HMBOX1: variants seen among roughly 807,000 people sequenced by gnomAD.
HMBOX1 encodes the protein homeobox containing 1.
Under a neutral mutation model 54.5 loss-of-function variants are expected in HMBOX1, and 14 were observed. That is an observed-to-expected ratio of 0.26 (90% CI 0.17 to 0.40). The LOEUF is 0.40. HMBOX1 is among the 10% of genes least tolerant of loss of function. The pLI is 1.00. For missense variants in HMBOX1, 332 were observed against 514.4 expected (o/e 0.65, Z 3.43); for synonymous variants, 160 against 181.0 (o/e 0.88, Z 0.93).
Position 28,980,136 on chromosome 8 carries a change from C to G in HMBOX1, c.566C>G (p.Ala189Gly). ...AFLANRRISQAVVAQVTGISQ... is the reference protein window; with the variant it reads ...AFLANRRISQGVVAQVTGISQ... ...CTTGCCAATCGGAGGATTTCCCAAG[C>G]AGTTGTTGCACAGGTAACAGGTAAG... is the stretch of plus-strand genomic sequence containing the variant. Residue 189 changes from alanine to glycine, a missense_variant, in exon 4 of 10, where the codon GCA (alanine) becomes GGA (glycine). Ala to Gly is a moderately conservative substitution (Grantham distance 60). This residue lies in a region of HMBOX1 where 117 missense variants were observed against 220.0 expected (regional missense o/e 0.53). Transcript: ENST00000287701. The G allele has an allele frequency of 6.2e-7, 1 of 1,613,374 alleles. No individual in the cohort carries two copies. Among genetic ancestry groups the G allele is most frequent in the South Asian group, 1.1e-5 (1 of 91,070 alleles).
intron 7 of HMBOX1, 39 bp from the exon 8 acceptor site, chr8:29,047,319 A>G (rs764536656): frequency 8.6e-7 from 1 of 1,167,472 alleles, no homozygotes; most frequent in Non-Finnish European, 1.3e-6. Context: ...CTTGGATCCC[A>G]GATATAGATT....
chr8:28,953,728 C>T (rs923800024), intron 1 of HMBOX1, among the ~76,000 whole-genome samples: 1 of 152,114 alleles, frequency 6.6e-6, no homozygotes, highest in Non-Finnish European at 1.5e-5. Context: ...GAGAATACCT[C>T]TTGGAGCAGG....
In HMBOX1 at chr8:28,933,957, C is replaced by T. The variant is rs186575472; in HGVS notation, c.-57-29854C>T. On this transcript the variant is annotated intron_variant, in intron 1 of 9. Coordinates refer to ENST00000287701, the MANE Select transcript of HMBOX1 (RefSeq NM_001135726.3). Reference sequence around the variant, plus strand: ...TTCAGAAAACAGAAGAGAAAGGTAACACTTCTCAACTCATGAGGCCAGCAT... The same window carrying T: ...TTCAGAAAACAGAAGAGAAAGGTAATACTTCTCAACTCATGAGGCCAGCAT... 1.6e-3 allele frequency among the ~76,000 whole-genome samples: 236 copies of T among 152,182 alleles called. 1 individual carries two copies. Among genetic ancestry groups the T allele is most frequent in the Non-Finnish European group, 3.1e-3 (209 of 68,006 alleles).
chr8:29,047,111 G>T (rs929605546), intron 7 of HMBOX1, among the ~76,000 whole-genome samples: 2 of 152,220 alleles, frequency 1.3e-5, no homozygotes, highest in African/African-American at 4.8e-5. Context: ...CTAATATTAT[G>T]TATGGCTTTC....
chr8:29,014,297 C>T (rs1223613356), intron 5 of HMBOX1, among the ~76,000 whole-genome samples: 1 of 151,900 alleles, frequency 6.6e-6, no homozygotes, highest in Non-Finnish European at 1.5e-5. Context: ...AGGAAATAGA[C>T]AACACACTTT....
intron 5 of HMBOX1, among the ~76,000 whole-genome samples, chr8:29,012,774 G>A (rs1201052784): frequency 6.6e-6 from 1 of 152,206 alleles, no homozygotes; most frequent in Middle Eastern, 3.4e-3. Flanking sequence ...AAATCAATCT[G>A]CCTTGTAAGA....
intron 1 of HMBOX1, among the ~76,000 whole-genome samples, chr8:28,931,318 C>T (rs1226024071): frequency 6.6e-6 from 1 of 152,172 alleles, no homozygotes; most frequent in Non-Finnish European, 1.5e-5. Flanking sequence ...TCCGTGGAAA[C>T]ACTAGTTTTG....
intron 1 of HMBOX1, among the ~76,000 whole-genome samples, chr8:28,952,406 G>T (rs1490579684): frequency 6.6e-6 from 1 of 151,856 alleles, no homozygotes; most frequent in Non-Finnish European, 1.5e-5. Context: ...GCTAATTTTT[G>T]TATTTTTGTT....
chr8:28,996,028 C>A (rs1035545355), intron 4 of HMBOX1, among the ~76,000 whole-genome samples: 1 of 152,004 alleles, frequency 6.6e-6, no homozygotes, highest in African/African-American at 2.4e-5. Context: ...ATGGCGTGAA[C>A]CCGGGAGGCA....
intron 3 of HMBOX1, among the ~76,000 whole-genome samples, chr8:28,972,830 C>G (rs189017719): frequency 1.3e-5 from 2 of 152,284 alleles, no homozygotes; most frequent in Admixed American, 6.5e-5. Context: ...TAAATGAAAA[C>G]CTATTTAGCA....
At chr8:28,973,232 A>G (rs1827737254) in intron 3 of HMBOX1, among the ~76,000 whole-genome samples, 1 of 152,204 alleles carries the variant, frequency 6.6e-6, no homozygotes, top group Admixed American at 6.5e-5. Context: ...TTGATCAGAG[A>G]AACTGAAATT....
At chr8:28,973,803 G>GTTTTTTTTTTTTGTTTTTTTTTTTTTT (rs1827850641) in intron 3 of HMBOX1, among the ~76,000 whole-genome samples, 1 of 72,618 alleles carries the variant, frequency 1.4e-5, no homozygotes, top group Non-Finnish European at 2.6e-5. Flanking sequence ...ACATAATGGA[G>GTTTTTTTTTTTTGTTTTTTTTTTTTTT]TTTTTTTTTT....
intron 3 of HMBOX1, 100 bp from the exon 4 acceptor site, chr8:28,979,967 CCTTT>C: frequency 1.2e-6 from 1 of 830,444 alleles, no homozygotes. Context: ...ATTTTTGTGT[CCTTT>C]CTGTGTTCTC....
At chr8:28,893,969 A>G (rs998064239) in intron 1 of HMBOX1, among the ~76,000 whole-genome samples, 11 of 152,344 alleles carry the variant, frequency 7.2e-5, no homozygotes, top group African/African-American at 2.6e-4. Context: ...GTATTTATGT[A>G]GAATGTTGTC....
At chr8:28,972,949 G>A (rs770673078) in intron 3 of HMBOX1, among the ~76,000 whole-genome samples, 1 of 151,976 alleles carries the variant, frequency 6.6e-6, no homozygotes, top group Non-Finnish European at 1.5e-5. Context: ...ACCACTTGTC[G>A]CATAATCAGG....
intron 6 of HMBOX1, among the ~76,000 whole-genome samples, chr8:29,043,946 G>A (rs1805209192): frequency 6.6e-6 from 1 of 152,148 alleles, no homozygotes; most frequent in Non-Finnish European, 1.5e-5. Context: ...GAAGACCATG[G>A]TGGAGGGTGG....
At chr8:29,025,190 A>T (rs564897557) in intron 6 of HMBOX1, among the ~76,000 whole-genome samples, 1 of 152,342 alleles carries the variant, frequency 6.6e-6, no homozygotes, top group South Asian at 2.1e-4. Flanking sequence ...GAAGAAAAAC[A>T]ATCTAACCTA....
At chr8:29,006,430 A>T (rs1356414889) in intron 4 of HMBOX1, among the ~76,000 whole-genome samples, 1 of 151,822 alleles carries the variant, frequency 6.6e-6, no homozygotes, top group Non-Finnish European at 1.5e-5. Flanking sequence ...TATGCCTAGT[A>T]AAAAAATGCT....
chr8:29,013,733 A>G (rs1442084384), intron 5 of HMBOX1, among the ~76,000 whole-genome samples: 2 of 152,200 alleles, frequency 1.3e-5, no homozygotes, highest in Non-Finnish European at 2.9e-5. Flanking sequence ...TATTTTTTAA[A>G]AAAAAGTGAG....
Sources: allele counts gnomAD v4.1 joint callset (sites outside exome capture counted in the v4.1 genomes callset), GRCh38; gene constraint gnomAD v4.1.1; regional missense constraint gnomAD v4.1.1; transcripts MANE v1.5; gene names NCBI Gene and HGNC (gene_info 2026-07-23, HGNC 2026-07-21).